TBC1D4: variants seen among roughly 807,000 people sequenced by gnomAD.
The protein encoded by TBC1D4 is TBC1 domain family member 4.
A neutral mutation model predicts 142.5 loss-of-function variants in TBC1D4; 121 were observed. That is an observed-to-expected ratio of 0.85 (90% confidence interval 0.73 to 0.99). The LOEUF (loss-of-function observed/expected upper bound fraction) is 0.99. Ranked by LOEUF, TBC1D4 falls within the 50% of genes least tolerant of loss-of-function variation. The probability of loss-of-function intolerance (pLI) is 0.00; values close to 1 mark genes in which losing one functional copy is unlikely to be tolerated. For missense variants in TBC1D4, 1,475 were observed against 1,606.6 expected, an observed-to-expected ratio of 0.92 and a Z score of 1.40; for synonymous variants, 630 against 628.2, an observed-to-expected ratio of 1.00 and a Z score of -0.04.
chr13:75,342,904 G>C (rs1318928911), intron 5 of TBC1D4, among the ~76,000 whole-genome samples: 1 of 151,652 alleles, frequency 6.6e-6, no homozygotes, highest in Non-Finnish European at 1.5e-5. Context: ...TTATTATAAG[G>C]CTGCCTTTGC....
chr13:75,369,742 G>A (rs922264256), intron 1 of TBC1D4, among the ~76,000 whole-genome samples: 3 of 152,190 alleles, frequency 2.0e-5, no homozygotes, highest in East Asian at 1.9e-4. Flanking sequence ...TGAATTAGAT[G>A]TGAAAATATG....
intron 1 of TBC1D4, among the ~76,000 whole-genome samples, chr13:75,425,107 G>A (rs775918713): frequency 6.7e-6 from 1 of 148,848 alleles, no homozygotes; most frequent in African/African-American, 2.6e-5. Context: ...TATCTGATAA[G>A]GGGTTAATAT....
chr13:75,455,044 G>C (rs1182315901), intron 1 of TBC1D4, among the ~76,000 whole-genome samples: 1 of 152,146 alleles, frequency 6.6e-6, no homozygotes, highest in African/African-American at 2.4e-5. Context: ...TCTTCAGTTA[G>C]AGAAGGTAGA....
intron 1 of TBC1D4, among the ~76,000 whole-genome samples, chr13:75,432,148 GGCTTTACAGACAAATCAAACTAGAGCCT>G (rs1372507585): frequency 6.6e-6 from 1 of 151,942 alleles, no homozygotes; most frequent in African/African-American, 2.4e-5. Flanking sequence ...GTGTGGAGTT[GGCTTTACAGACAAATCAAACTAGAGCCT>G]TCCAGCTCCA....
At chr13:75,369,842 G>T (rs1883130086) in intron 1 of TBC1D4, among the ~76,000 whole-genome samples, 1 of 152,188 alleles carries the variant, frequency 6.6e-6, no homozygotes, top group African/African-American at 2.4e-5. Context: ...GATGAAATAA[G>T]TGAGAAGCTA....
chr13:75,409,509 G>T (rs1175663221), intron 1 of TBC1D4, among the ~76,000 whole-genome samples: 1 of 151,964 alleles, frequency 6.6e-6, no homozygotes, highest in Non-Finnish European at 1.5e-5. Context: ...CACATTAAAG[G>T]TTCCCCCCCT....
intron 1 of TBC1D4, among the ~76,000 whole-genome samples, chr13:75,450,033 A>C (rs9593078): frequency 0.37 from 56,847 of 152,142 alleles, 13,054 homozygotes; most frequent in East Asian, 0.63. Flanking sequence ...CACAAATATG[A>C]AGAATAAACC....
At chr13:75,441,835 C>T (rs1887054776) in intron 1 of TBC1D4, among the ~76,000 whole-genome samples, 1 of 152,156 alleles carries the variant, frequency 6.6e-6, no homozygotes, top group South Asian at 2.1e-4. Context: ...ATTACAGCAA[C>T]CATCACAGTC....
rs1566523272 is a variant in TBC1D4 at position 75,481,531 on chromosome 13, G to C, written c.237C>G (p.Ala79=). ...PEAGGCGAPA[A]REVILVLSAP... The stretch of plus-strand genomic sequence containing the variant: ...CGCTGAGCACCAGGATCACCTCTCG[G>C]GCCGCCGGCGCCCCGCAGCCGCCCG... Residue 79 remains alanine, a synonymous_variant, in exon 1 of 21, where the codon GCC becomes GCG. Coordinates refer to ENST00000377636, the MANE Select transcript of TBC1D4 (RefSeq NM_014832.5). 1.9e-6 allele frequency: 3 copies of C among 1,604,152 alleles called. No individual in the cohort carries two copies. The highest frequency in any genetic ancestry group is 2.6e-6 in the Non-Finnish European group (3 of 1,175,616).
chr13:75,321,465 A>G (rs950756522), intron 11 of TBC1D4, among the ~76,000 whole-genome samples: 1 of 152,166 alleles, frequency 6.6e-6, no homozygotes, highest in Middle Eastern at 3.2e-3. Context: ...AAATGGACCA[A>G]AAATTATAAA....
rs760163808 is a variant in TBC1D4 at position 75,337,049 on chromosome 13, A to G, written c.1612-9T>C. ...GTACTATTTGAAATAGTCTAAAAAA[A>G]GAAAAACAGATACATTTTAGTTTGG... On this transcript the variant is annotated splice_polypyrimidine_tract_variant and intron_variant, in intron 7 of 20. Transcript: ENST00000377636. 8 of 1,610,944 alleles carry G rather than the reference A, an allele frequency of 5.0e-6. No homozygotes were observed.
chr13:75,479,083 T>A (rs1888729824), intron 1 of TBC1D4, among the ~76,000 whole-genome samples: 1 of 152,216 alleles, frequency 6.6e-6, no homozygotes, highest in Non-Finnish European at 1.5e-5. Flanking sequence ...AATTTCCAAG[T>A]GGAGCTAAGT....
intron 1 of TBC1D4, among the ~76,000 whole-genome samples, chr13:75,415,353 G>T (rs1885872744): frequency 6.6e-6 from 1 of 152,166 alleles, no homozygotes; most frequent in Non-Finnish European, 1.5e-5. Context: ...GAGAATGGGT[G>T]ACATGAGAAA....
intron 7 of TBC1D4, 119 bp from the exon 8 acceptor site, chr13:75,337,159 A>C: frequency 1.1e-6 from 1 of 881,474 alleles, no homozygotes; most frequent in Non-Finnish European, 1.8e-6. Context: ...TAGCTCTATT[A>C]ATAAGTAATA....
chr13:75,289,535 T>C (rs1260770405), intron 19 of TBC1D4, among the ~76,000 whole-genome samples: 1 of 152,092 alleles, frequency 6.6e-6, no homozygotes, highest in Non-Finnish European at 1.5e-5. Context: ...CTCTGCTGAT[T>C]AGTAAGCAAA....
At chr13:75,321,381 G>A (rs1032266630) in intron 11 of TBC1D4, among the ~76,000 whole-genome samples, 7 of 152,010 alleles carry the variant, frequency 4.6e-5, no homozygotes, top group African/African-American at 1.7e-4. Flanking sequence ...AAACGGACAC[G>A]ATGCATGCAA....
At chr13:75,417,356 C>T (rs1398981990) in intron 1 of TBC1D4, among the ~76,000 whole-genome samples, 3 of 152,298 alleles carry the variant, frequency 2.0e-5, no homozygotes, top group South Asian at 2.1e-4. Flanking sequence ...CCACCTGCCC[C>T]GGGTAAGTGC....
rs578876 is a variant in TBC1D4 at position 75,284,113 on chromosome 13, C to A, written c.*2679G>T. Among the ~76,000 whole-genome samples the A allele has an allele frequency of 0.15, 22,483 of 151,826 alleles. 5,059 individuals carry two copies. Among genetic ancestry groups the A allele is most frequent in the African/African-American group, 0.48 (20,047 of 41,360 alleles). ...ACGCCTGGCTAATTTTTGTATTTTC[C>A]CTAGAGATGGGGTTTCACCATGCAG... On this transcript the variant is annotated 3_prime_UTR_variant, in exon 21 of 21. Coordinates refer to ENST00000377636, the MANE Select transcript of TBC1D4 (RefSeq NM_014832.5).
At chr13:75,374,832 T>A (rs1021436111) in intron 1 of TBC1D4, among the ~76,000 whole-genome samples, 1 of 152,210 alleles carries the variant, frequency 6.6e-6, no homozygotes, top group African/African-American at 2.4e-5. Flanking sequence ...AAATCATCTA[T>A]AAATGACGTA....
Sources: allele counts gnomAD v4.1 joint callset (sites outside exome capture counted in the v4.1 genomes callset), GRCh38; gene constraint gnomAD v4.1.1; transcripts MANE v1.5; gene names NCBI Gene and HGNC (gene_info 2026-07-23, HGNC 2026-07-21).